FAF1: variants seen among roughly 807,000 people sequenced by gnomAD.
FAF1 encodes Fas associated factor 1, also known as FAS-associated factor 1.
Under a neutral mutation model 92.5 loss-of-function variants are expected in FAF1, and 25 were observed. The ratio of observed to expected loss-of-function variants is 0.27; its 90% CI spans 0.20 to 0.38. The LOEUF is 0.38. Ranked by LOEUF, FAF1 falls within the 10% of genes least tolerant of loss-of-function variation. The pLI, the probability that FAF1 is intolerant of heterozygous loss-of-function variation, is 1.00. For synonymous variants in FAF1, 234 were observed against 273.2 expected, an observed-to-expected ratio of 0.86 and a Z score of 1.42; for missense variants, 636 against 793.3, an observed-to-expected ratio of 0.80 and a Z score of 2.38.
chr1:50,805,841 T>C lies in FAF1; in HGVS notation c.115-4164A>G, dbSNP rs538501779. Among the ~76,000 whole-genome samples, 30 of 152,284 alleles carry C rather than the reference T, an allele frequency of 2.0e-4. No homozygotes were observed. In the South Asian group the frequency reaches 6.0e-3, roughly 31 times the overall value. ...AGTAAAGGAGTTGTGGTAACAATAA[T>C]GGCAGCTAACACTGTACCATTTTTA... On this transcript the variant is annotated intron_variant, in intron 2 of 18. Transcript: ENST00000396153.
chr1:50,617,691 CTGTT>C (rs1652988861), intron 8 of FAF1, among the ~76,000 whole-genome samples: 1 of 122,988 alleles, frequency 8.1e-6, no homozygotes, highest in Non-Finnish European at 1.7e-5. Context: ...CCCTCCTCTT[CTGTT>C]TTTTTTTTTT....
At chr1:50,850,481 CAT>C (rs1262031170) in intron 2 of FAF1, among the ~76,000 whole-genome samples, 1 of 152,076 alleles carries the variant, frequency 6.6e-6, no homozygotes, top group African/African-American at 2.4e-5. Flanking sequence ...ATATTTACCA[CAT>C]AGATAAATTT....
At chr1:50,701,965 C>T (rs977927761) in intron 7 of FAF1, among the ~76,000 whole-genome samples, 1 of 152,066 alleles carries the variant, frequency 6.6e-6, no homozygotes, top group Non-Finnish European at 1.5e-5. Context: ...CATCATGCTT[C>T]TTGTTGTAAC....
intron 7 of FAF1, among the ~76,000 whole-genome samples, chr1:50,678,997 G>T (rs1217687432): frequency 6.6e-6 from 1 of 151,962 alleles, no homozygotes; most frequent in Non-Finnish European, 1.5e-5. Flanking sequence ...TGAAGCAGGA[G>T]AATGGCATGA....
chr1:50,481,018 AAG>A (rs1313281517), intron 17 of FAF1, among the ~76,000 whole-genome samples: 1 of 152,160 alleles, frequency 6.6e-6, no homozygotes, highest in Non-Finnish European at 1.5e-5. Flanking sequence ...AAAGTTTAAA[AAG>A]AAGGAAAAAT....
At chr1:50,442,598 A>C (rs1005387154) in intron 18 of FAF1, among the ~76,000 whole-genome samples, 2 of 152,154 alleles carry the variant, frequency 1.3e-5, no homozygotes, top group Non-Finnish European at 2.9e-5. Flanking sequence ...GTCAGGCCTG[A>C]GGCTGCTGCT....
chr1:50,739,818 T>C (rs1557503222), intron 5 of FAF1, among the ~76,000 whole-genome samples: 1 of 152,166 alleles, frequency 6.6e-6, no homozygotes, highest in Non-Finnish European at 1.5e-5. Context: ...TTGAAATGAA[T>C]AAATTACTAT....
At chr1:50,556,258 AAAG>A (rs1649576708) in intron 13 of FAF1, among the ~76,000 whole-genome samples, 2 of 151,244 alleles carry the variant, frequency 1.3e-5, no homozygotes, top group African/African-American at 2.4e-5. Flanking sequence ...AAAAAAAAAA[AAAG>A]AATAAGGTCT....
At chr1:50,767,111 T>C (rs1293194835) in intron 4 of FAF1, among the ~76,000 whole-genome samples, 1 of 152,142 alleles carries the variant, frequency 6.6e-6, no homozygotes, top group East Asian at 1.9e-4. Flanking sequence ...GAAATGGCCA[T>C]TGTAAGAAAG....
chr1:50,874,160 TTTG>T (rs1570084959), intron 1 of FAF1, among the ~76,000 whole-genome samples: 1 of 152,170 alleles, frequency 6.6e-6, no homozygotes, highest in Non-Finnish European at 1.5e-5. Context: ...ATTTAGTATT[TTTG>T]TTGTTAATAC....
At position 50,781,105 on chromosome 1, in the gene FAF1, A is replaced by G. The variant is rs1208962278; in HGVS notation, c.367+6895T>C. 8.8e-6 allele frequency: 3 copies of G among 339,370 alleles called. No individual in the cohort carries two copies. In the East Asian group the frequency reaches 2.9e-4, roughly 33 times the overall value. 21.0% of individuals were successfully genotyped at this position (339,370 alleles called of 1,614,324 possible). On this transcript the variant is annotated intron_variant, in intron 4 of 18. Coordinates refer to ENST00000396153, the MANE Select transcript of FAF1 (RefSeq NM_007051.3). The stretch of plus-strand genomic sequence containing the variant: ...CCAGCTCTCACACTCTCAGGACATC[A>G]TTTACCTGCTGCCAGGGCAGTCAAT...
chr1:50,716,800 TGGGCAGAGACAAATAAGGG>T (rs1569825037), intron 6 of FAF1, among the ~76,000 whole-genome samples: 1 of 152,272 alleles, frequency 6.6e-6, no homozygotes, highest in East Asian at 1.9e-4. Context: ...CAGCAGGATG[TGGGCAGAGACAAATAAGGG>T]ACTAAAAGCT....
intron 8 of FAF1, among the ~76,000 whole-genome samples, chr1:50,653,251 T>C (rs914871232): frequency 2.0e-5 from 3 of 152,094 alleles, no homozygotes; most frequent in African/African-American, 7.2e-5. Flanking sequence ...ATTCTAATTA[T>C]ATACTATAAC....
rs866642563 is a variant in FAF1 at position 50,497,566 on chromosome 1, T to G, written c.1495-5765A>C. On this transcript the variant is annotated intron_variant, in intron 15 of 18. Transcript: ENST00000396153. ...TTTTTTTTTTTTTTTTTTTTTTTTT[T>G]GTGACGGAGTCTCACTCTGTCACCC... is the stretch of plus-strand genomic sequence containing the variant. 7.8e-3 allele frequency among the ~76,000 whole-genome samples: 935 copies of G among 119,258 alleles called. 18 individuals are homozygous for G. Among genetic ancestry groups the G allele is most frequent in the African/African-American group, 0.03 (873 of 28,974 alleles). The allele number at this position is 119,258 out of a possible 152,430, so 78.2% of individuals were successfully genotyped here. A position where few individuals can be genotyped will look rare whatever the true frequency, so the allele number is the denominator to read the frequency against.
chr1:50,681,688 T>G (rs952775173), intron 7 of FAF1, among the ~76,000 whole-genome samples: 10 of 151,510 alleles, frequency 6.6e-5, no homozygotes, highest in Non-Finnish European at 1.5e-4. Flanking sequence ...TTTTTTTTTT[T>G]TGTATTTTTA....
intron 4 of FAF1, among the ~76,000 whole-genome samples, chr1:50,787,440 G>A (rs184188818): frequency 6.6e-6 from 1 of 152,116 alleles, no homozygotes; most frequent in African/African-American, 2.4e-5. Context: ...TTGCCCTTCT[G>A]GTTTCTGTCA....
intron 8 of FAF1, among the ~76,000 whole-genome samples, chr1:50,601,757 C>T (rs1384323895): frequency 2.0e-5 from 3 of 151,286 alleles, no homozygotes; most frequent in Non-Finnish European, 4.4e-5. Context: ...CATATATACA[C>T]ATATATATTC....
intron 2 of FAF1, among the ~76,000 whole-genome samples, chr1:50,840,064 A>T (rs891491405): frequency 7.2e-5 from 11 of 151,936 alleles, no homozygotes; most frequent in African/African-American, 2.4e-4. Context: ...AAAATAAAAT[A>T]AAAAAACTTC....
At chr1:50,456,709 CTA>C (rs2148984477) in intron 18 of FAF1, among the ~76,000 whole-genome samples, 1 of 152,310 alleles carries the variant, frequency 6.6e-6, no homozygotes, top group East Asian at 1.9e-4. Flanking sequence ...AAACAAGACA[CTA>C]TTTCTGCTCT....
Sources: allele counts gnomAD v4.1 joint callset (sites outside exome capture counted in the v4.1 genomes callset), GRCh38; gene constraint gnomAD v4.1.1; transcripts MANE v1.5; gene names NCBI Gene and HGNC (gene_info 2026-07-23, HGNC 2026-07-21).